NTRK2: variants seen among roughly 807,000 people sequenced by gnomAD.
NTRK2 encodes the protein neurotrophic receptor tyrosine kinase 2, also known as BDNF/NT-3 growth factors receptor.
Under a neutral mutation model 94.5 loss-of-function variants are expected in NTRK2, and 13 were observed. The observed-to-expected ratio is 0.14, with a 90% CI of 0.09 to 0.22. NTRK2 has a LOEUF of 0.22. NTRK2 is among the 10% of genes least tolerant of loss of function. NTRK2 has a pLI of 1.00. For synonymous variants in NTRK2, 372 were observed against 407.4 expected, an observed-to-expected ratio of 0.91 and a Z score of 1.05; for missense variants, 639 against 1,071.2, an observed-to-expected ratio of 0.60 and a Z score of 5.63.
intron 4 of NTRK2, among the ~76,000 whole-genome samples, chr9:84,707,413 T>C (rs2061173283): frequency 6.6e-6 from 1 of 152,220 alleles, no homozygotes; most frequent in Admixed American, 6.5e-5. Flanking sequence ...GAGTTTTGTA[T>C]GCCACATAAT....
chr9:84,954,648 G>A (rs1823882481), intron 16 of NTRK2, among the ~76,000 whole-genome samples: 1 of 152,186 alleles, frequency 6.6e-6, no homozygotes, highest in Non-Finnish European at 1.5e-5. Flanking sequence ...AGAATGCCCT[G>A]GGACTCTGTT....
At chr9:84,763,376 A>T (rs1238954228) in intron 12 of NTRK2, among the ~76,000 whole-genome samples, 10 of 151,842 alleles carry the variant, frequency 6.6e-5, no homozygotes, top group Admixed American at 6.6e-4. Flanking sequence ...CCTATTTCCT[A>T]TGGGGACAGG....
At chr9:84,895,699 G>T (rs914512416) in intron 14 of NTRK2, among the ~76,000 whole-genome samples, 1 of 152,210 alleles carries the variant, frequency 6.6e-6, no homozygotes, top group Non-Finnish European at 1.5e-5. Flanking sequence ...TGAGCAAATC[G>T]ATAGAGTGTT....
intron 2 of NTRK2, among the ~76,000 whole-genome samples, chr9:84,688,406 G>A (rs890735602): frequency 6.6e-6 from 1 of 152,138 alleles, no homozygotes; most frequent in African/African-American, 2.4e-5. Flanking sequence ...GTAGGGGGGT[G>A]GCCAGGCTCT....
chr9:84,976,217 C>G (rs1564518279), intron 17 of NTRK2, among the ~76,000 whole-genome samples: 1 of 152,150 alleles, frequency 6.6e-6, no homozygotes, highest in Non-Finnish European at 1.5e-5. Flanking sequence ...GACCAGAGTG[C>G]CAGCATGGTT....
intron 12 of NTRK2, among the ~76,000 whole-genome samples, chr9:84,824,105 C>G (rs2073031841): frequency 1.3e-5 from 2 of 152,190 alleles, no homozygotes; most frequent in Non-Finnish European, 2.9e-5. Flanking sequence ...TTGTCCCACC[C>G]TGAGCTTAGG....
At position 84,780,000 on chromosome 9, in the gene NTRK2, A is replaced by T. The variant is rs75830681; in HGVS notation, c.1396+27915A>T. Among the ~76,000 whole-genome samples the T allele has an allele frequency of 4.6e-3, 707 of 152,248 alleles. 8 individuals are homozygous for T. The highest frequency in any genetic ancestry group is 0.016 in the African/African-American group (668 of 41,544). Reference sequence around the variant, plus strand: ...GGTCAGGTTAGCATTTCTGGCAGCTAGCCTTTATGATTAGAAAATAAGGCA... The same window carrying T: ...GGTCAGGTTAGCATTTCTGGCAGCTTGCCTTTATGATTAGAAAATAAGGCA... On this transcript the variant is annotated intron_variant, in intron 12 of 18. Transcript: ENST00000277120.
At chr9:84,700,425 T>G (rs1368675977) in intron 2 of NTRK2, among the ~76,000 whole-genome samples, 2 of 152,184 alleles carry the variant, frequency 1.3e-5, no homozygotes, top group African/African-American at 2.4e-5. Context: ...AACGAAAGCT[T>G]CCTGCACATT....
At chr9:84,761,924 T>C (rs2065607837) in intron 12 of NTRK2, among the ~76,000 whole-genome samples, 1 of 152,196 alleles carries the variant, frequency 6.6e-6, no homozygotes, top group Non-Finnish European at 1.5e-5. Flanking sequence ...ATAATTCTCA[T>C]GTGTCTTGAA....
chr9:84,727,038 C>G (rs2062513439), intron 8 of NTRK2, among the ~76,000 whole-genome samples: 1 of 152,076 alleles, frequency 6.6e-6, no homozygotes, highest in Non-Finnish European at 1.5e-5. Flanking sequence ...ATGGACAACA[C>G]TATCATGAAA....
chr9:84,925,224 T>G (rs1036106607), intron 14 of NTRK2, among the ~76,000 whole-genome samples: 22 of 148,674 alleles, frequency 1.5e-4, no homozygotes, highest in Non-Finnish European at 2.1e-4. Flanking sequence ...TTGGAGCTAT[T>G]TTATTTCTGA....
intron 12 of NTRK2, among the ~76,000 whole-genome samples, chr9:84,770,981 G>A (rs1415625750): frequency 6.6e-6 from 1 of 152,142 alleles, no homozygotes; most frequent in African/African-American, 2.4e-5. Flanking sequence ...TGGCATCAAA[G>A]TTTATGACTT....
chr9:84,709,733 A>G (rs2061316152), intron 5 of NTRK2, among the ~76,000 whole-genome samples: 1 of 152,188 alleles, frequency 6.6e-6, no homozygotes, highest in Non-Finnish European at 1.5e-5. Context: ...CATTACCATA[A>G]ATGGAATTCA....
At chr9:84,678,495 A>G (rs2059196125) in intron 2 of NTRK2, among the ~76,000 whole-genome samples, 3 of 152,224 alleles carry the variant, frequency 2.0e-5, no homozygotes, top group South Asian at 4.1e-4. Context: ...TTTCTACTTC[A>G]TGTACCCCAG....
chr9:84,741,228 C>T (rs917795709), intron 9 of NTRK2, among the ~76,000 whole-genome samples: 2 of 152,114 alleles, frequency 1.3e-5, no homozygotes, highest in Admixed American at 6.6e-5. Context: ...GAGCCATCCT[C>T]CAAAATTAAA....
At chr9:84,938,965 T>A (rs1462781080) in intron 15 of NTRK2, among the ~76,000 whole-genome samples, 2 of 148,778 alleles carry the variant, frequency 1.3e-5, no homozygotes, top group African/African-American at 5.0e-5. Context: ...AGTGGAAGGA[T>A]TGCTTGAGCC....
chr9:84,677,038 CAG>C (rs1199422090), intron 2 of NTRK2, among the ~76,000 whole-genome samples: 1 of 151,990 alleles, frequency 6.6e-6, no homozygotes, highest in African/African-American at 2.4e-5. Context: ...ATTTGAGCTT[CAG>C]AGAAAAGCCT....
chr9:84,807,225 T>A (rs1456883674), intron 12 of NTRK2, among the ~76,000 whole-genome samples: 1 of 152,258 alleles, frequency 6.6e-6, no homozygotes, highest in Non-Finnish European at 1.5e-5. Flanking sequence ...AATGTGTGCA[T>A]GCTTGAATGT....
chr9:84,845,509 G>T (rs2074424437), intron 12 of NTRK2, among the ~76,000 whole-genome samples: 1 of 152,260 alleles, frequency 6.6e-6, no homozygotes, highest in South Asian at 2.1e-4. Context: ...ACGCTTAATT[G>T]TGTAGATTCA....
Sources: gnomAD v4.1 joint callset for allele counts (sites outside exome capture counted in the v4.1 genomes callset) on GRCh38, gnomAD v4.1.1 for gene constraint, MANE v1.5 for transcripts, NCBI Gene and HGNC (gene_info 2026-07-23, HGNC 2026-07-21) for gene names.